Variants in RYR3 observed in about 807,000 individuals in gnomAD.
The protein encoded by RYR3 is brain ryanodine receptor-calcium release channel.
RYR3 carries 207 observed loss-of-function variants against 584.3 expected under a neutral mutation model. The observed-to-expected ratio is 0.35, with a 90% confidence interval of 0.32 to 0.40. RYR3 has a LOEUF of 0.40. Among genes scored for constraint, RYR3 ranks in the 10% least tolerant of loss-of-function variants. The probability of loss-of-function intolerance (pLI) is 1.00; values close to 1 mark genes in which losing one functional copy is unlikely to be tolerated. For missense variants in RYR3, 5,616 were observed against 6,089.2 expected (o/e 0.92, Z 2.59); for synonymous variants, 2,416 against 2,248.5 (o/e 1.07, Z -2.11).
intron 103 of RYR3, 177 bp from the exon 104 acceptor site, chr15:33,864,954 G>T: frequency 1.8e-6 from 1 of 551,738 alleles, no homozygotes; most frequent in East Asian, 2.9e-5. Flanking sequence ...AGAGAGACAT[G>T]GCTTCTTGCT....
At chr15:33,363,654 C>G (rs1975075214) in intron 1 of RYR3, among the ~76,000 whole-genome samples, 1 of 152,052 alleles carries the variant, frequency 6.6e-6, no homozygotes, top group South Asian at 2.1e-4. Context: ...AGCTTTTTGT[C>G]AATTTGCAGG....
At chr15:33,717,276 T>C (rs1156800285) in intron 43 of RYR3, among the ~76,000 whole-genome samples, 2 of 152,178 alleles carry the variant, frequency 1.3e-5, no homozygotes, top group Non-Finnish European at 2.9e-5. Flanking sequence ...ACCTGGTATT[T>C]CTACTTGAAG....
At chr15:33,352,130 TC>T (rs1973358068) in intron 1 of RYR3, among the ~76,000 whole-genome samples, 1 of 152,216 alleles carries the variant, frequency 6.6e-6, no homozygotes, top group African/African-American at 2.4e-5. Flanking sequence ...AAGTGACTGT[TC>T]AGATCTTTTG....
chr15:33,346,944 A>AT (rs1972532225), intron 1 of RYR3, among the ~76,000 whole-genome samples: 1 of 152,210 alleles, frequency 6.6e-6, no homozygotes, highest in Non-Finnish European at 1.5e-5. Flanking sequence ...ATCCACAAAA[A>AT]TTTTAAAAAA....
At chr15:33,500,718 A>G (rs181870905) in intron 2 of RYR3, among the ~76,000 whole-genome samples, 1 of 152,292 alleles carries the variant, frequency 6.6e-6, no homozygotes, top group Non-Finnish European at 1.5e-5. Flanking sequence ...CACAGCACAG[A>G]CACAATGAGC....
At position 33,854,325 on chromosome 15, in the gene RYR3, C is replaced by T. The variant is rs1486271123; in HGVS notation, c.13800-64C>T. ...TGAGAGAAAAAACTTACTTTTTCCC[C>T]CTTATTGAGCACTTAACTACCTCTT... On this transcript the variant is annotated intron_variant, in intron 96 of 103. Coordinates refer to ENST00000634891, the MANE Select transcript of RYR3 (RefSeq NM_001036.6). The T allele has an allele frequency of 2.9e-6, 4 of 1,367,600 alleles. No homozygotes were observed. In the Admixed American group the frequency reaches 9.4e-5, roughly 32 times the overall value. 84.7% of individuals were successfully genotyped at this position (1,367,600 alleles called of 1,614,324 possible).
At chr15:33,833,509 T>C (rs1381261417) in intron 86 of RYR3, among the ~76,000 whole-genome samples, 1 of 152,212 alleles carries the variant, frequency 6.6e-6, no homozygotes, top group East Asian at 1.9e-4. Flanking sequence ...GGACATGAAG[T>C]GATAAACCTA....
chr15:33,824,279 C>T (rs745806420), intron 81 of RYR3, among the ~76,000 whole-genome samples: 1 of 152,144 alleles, frequency 6.6e-6, no homozygotes, highest in Non-Finnish European at 1.5e-5. Flanking sequence ...TAGATGCCAG[C>T]TGAGTTCTAA....
intron 100 of RYR3, 64 bp from the exon 101 acceptor site, chr15:33,860,531 T>C (rs1887799645): frequency 2.1e-6 from 2 of 970,138 alleles, no homozygotes; most frequent in African/African-American, 3.3e-5. Flanking sequence ...AGCTTCTTCC[T>C]TTATCATTCC....
At chr15:33,416,894 A>G (rs767047365) in intron 1 of RYR3, among the ~76,000 whole-genome samples, 11 of 152,032 alleles carry the variant, frequency 7.2e-5, no homozygotes, top group Non-Finnish European at 1.3e-4. Context: ...ATCCAGTTTC[A>G]TTTTTCTGCA....
intron 2 of RYR3, among the ~76,000 whole-genome samples, chr15:33,497,621 G>A (rs2051555773): frequency 6.6e-6 from 1 of 151,982 alleles, no homozygotes; most frequent in South Asian, 2.1e-4. Context: ...TATTTTATGG[G>A]GTACAGTGTG....
At chr15:33,714,266 T>TA (rs2067327741) in intron 43 of RYR3, among the ~76,000 whole-genome samples, 1 of 152,214 alleles carries the variant, frequency 6.6e-6, no homozygotes, top group South Asian at 2.1e-4. Flanking sequence ...TTAAAAATTT[T>TA]AAGCCATATC....
At chr15:33,545,370 T>C (rs900867048) in intron 8 of RYR3, among the ~76,000 whole-genome samples, 3 of 151,664 alleles carry the variant, frequency 2.0e-5, no homozygotes, top group African/African-American at 7.3e-5. Context: ...ATGGGAAGAG[T>C]GAAGTAGATG....
intron 1 of RYR3, among the ~76,000 whole-genome samples, chr15:33,330,357 C>A (rs1429793892): frequency 1.3e-5 from 2 of 152,144 alleles, no homozygotes; most frequent in Non-Finnish European, 2.9e-5. Context: ...TTGCATCCCC[C>A]TGTCTGAAGT....
chr15:33,425,779 C>A (rs947901529), intron 1 of RYR3, among the ~76,000 whole-genome samples: 1 of 151,482 alleles, frequency 6.6e-6, no homozygotes, highest in East Asian at 2.0e-4. Context: ...GTAGCTGGGA[C>A]TACAGGCGCC....
Position 33,859,676 on chromosome 15 carries a change from C to CT in RYR3, c.14247dup (p.Asp4750Ter), listed in dbSNP as rs755019497. On this transcript the variant is annotated frameshift_variant, in exon 100 of 104. Transcript: ENST00000634891. LOFTEE classifies it high-confidence loss of function. ...ATCCTTATGAAATGTATCGCATTGT[C>CT]TTTGACATTACCTTTTTCTTCTTCG... 2 of 1,613,768 alleles carry CT rather than the reference C, an allele frequency of 1.2e-6. No individual in the cohort carries two copies. Among genetic ancestry groups the CT allele is most frequent in the Non-Finnish European group, 1.7e-6 (2 of 1,179,800 alleles).
At chr15:33,821,488 T>G (rs1263200778) in intron 79 of RYR3, 35 bp from the exon 80 acceptor site, 1 of 1,611,542 alleles carries the variant, frequency 6.2e-7, no homozygotes, top group East Asian at 2.2e-5. Context: ...ACCATCTGTT[T>G]CCTTGGTGAT....
chr15:33,752,715 C>G (rs976690011), intron 57 of RYR3, among the ~76,000 whole-genome samples: 3 of 152,096 alleles, frequency 2.0e-5, no homozygotes, highest in Admixed American at 6.6e-5. Flanking sequence ...AATTGAATAC[C>G]CTTTATTTCT....
Position 33,636,443 on chromosome 15 carries a change from G to T in RYR3, c.3449G>T (p.Cys1150Phe). ...RTWQPGDVVG[C>F]MINLDDASMI... ...TGGCAGCCAGGGGATGTGGTCGGAT[G>T]TATGATTAACCTGGATGATGCTTCA... Residue 1150 changes from cysteine (C) to phenylalanine (F), a missense_variant, in exon 27 of 104, where the codon TGT becomes TTT. By Grantham distance (205) the Cys-to-Phe change is radical. Around this residue, in one of 9 missense-constraint regions of RYR3, gnomAD observed 152 missense variants for 200.9 expected, o/e 0.76. Coordinates refer to ENST00000634891, the MANE Select transcript of RYR3 (RefSeq NM_001036.6). 1 of 1,613,880 alleles carries T rather than the reference G, an allele frequency of 6.2e-7. No individual in the cohort carries two copies. Among genetic ancestry groups the T allele is most frequent in the Non-Finnish European group, 8.5e-7 (1 of 1,179,810 alleles).
Sources: allele counts gnomAD v4.1 joint callset (sites outside exome capture counted in the v4.1 genomes callset), GRCh38; gene constraint gnomAD v4.1.1; regional missense constraint gnomAD v4.1.1; transcripts MANE v1.5; gene names NCBI Gene and HGNC (gene_info 2026-07-23, HGNC 2026-07-21).